Variants in KHDRBS2 observed in about 807,000 individuals in gnomAD.
KHDRBS2 encodes the protein KH RNA binding domain containing, signal transduction associated 2, also known as KH domain-containing, RNA-binding, signal transduction-associated protein 2.
In KHDRBS2, 26 loss-of-function variants were observed where a neutral mutation model predicts 44.3. The observed-to-expected ratio is 0.59, with a 90% confidence interval of 0.43 to 0.81. The LOEUF is 0.81. Ranked by LOEUF, KHDRBS2 falls within the 40% of genes least tolerant of loss-of-function variation. The pLI is 0.00. For synonymous variants in KHDRBS2, 194 were observed against 151.1 expected (o/e 1.28, Z -2.08); for missense variants, 476 against 433.1 (o/e 1.10, Z -0.88).
chr6:61,762,675 ACCAAATAACTTT>A (rs1381272701), intron 6 of KHDRBS2, among the ~76,000 whole-genome samples: 1 of 152,192 alleles, frequency 6.6e-6, no homozygotes, highest in African/African-American at 2.4e-5. Flanking sequence ...AGAATTGTCA[ACCAAATAACTTT>A]TCCTTTATAA....
At chr6:62,019,408 T>C (rs1781838149) in intron 3 of KHDRBS2, among the ~76,000 whole-genome samples, 1 of 152,130 alleles carries the variant, frequency 6.6e-6, no homozygotes, top group Non-Finnish European at 1.5e-5. Context: ...TTTTTCTATG[T>C]GTTTTATAAT....
At chr6:61,851,855 A>G (rs1795470006) in intron 6 of KHDRBS2, among the ~76,000 whole-genome samples, 1 of 152,250 alleles carries the variant, frequency 6.6e-6, no homozygotes, top group Non-Finnish European at 1.5e-5. Flanking sequence ...GGTGAAGGAT[A>G]TCAATATGCA....
intron 6 of KHDRBS2, among the ~76,000 whole-genome samples, chr6:61,843,064 T>A (rs1258302987): frequency 6.6e-6 from 1 of 151,588 alleles, no homozygotes; most frequent in African/African-American, 2.4e-5. Flanking sequence ...TTATTCTGAG[T>A]GAAAGAAGCC....
chr6:61,552,586 G>A, the KHDRBS2 span, among the ~76,000 whole-genome samples: 1 of 152,098 alleles, frequency 6.6e-6, no homozygotes, highest in African/African-American at 2.4e-5. Flanking sequence ...GATTTGCAAG[G>A]AGAATGCTTT....
At chr6:61,582,516 G>T in the KHDRBS2 span, among the ~76,000 whole-genome samples, 1 of 151,678 alleles carries the variant, frequency 6.6e-6, no homozygotes, top group Non-Finnish European at 1.5e-5. Context: ...AGAAGAGGTG[G>T]TTTTAATAGA....
At chr6:62,109,691 T>C (rs1002365242) in intron 2 of KHDRBS2, among the ~76,000 whole-genome samples, 1 of 151,506 alleles carries the variant, frequency 6.6e-6, no homozygotes, top group African/African-American at 2.4e-5. Context: ...ATGTTAAGAA[T>C]AGTCTTTTTA....
intron 6 of KHDRBS2, among the ~76,000 whole-genome samples, chr6:61,826,220 T>C (rs1790833209): frequency 6.6e-6 from 1 of 152,112 alleles, no homozygotes; most frequent in African/African-American, 2.4e-5. Flanking sequence ...TCTCATCCAC[T>C]CTTCTCTGTA....
chr6:61,647,018 C>T, the KHDRBS2 span, among the ~76,000 whole-genome samples: 1 of 151,946 alleles, frequency 6.6e-6, no homozygotes, highest in Non-Finnish European at 1.5e-5. Context: ...GGGGTTTCAC[C>T]ATATTGGCCA....
chr6:61,955,665 T>C lies in KHDRBS2; in HGVS notation c.483+22401A>G, dbSNP rs560379675. On this transcript the variant is annotated intron_variant, in intron 4 of 8. Transcript: ENST00000281156. ...ACGTATGTATGTATGCATATATGTGTATATGTACACATATGTATGTATACA... is the reference window on the plus strand; with the variant it reads ...ACGTATGTATGTATGCATATATGTGCATATGTACACATATGTATGTATACA... Among the ~76,000 whole-genome samples the C allele has an allele frequency of 3.6e-4, 53 of 149,240 alleles. 3 individuals carry two copies. In the South Asian group the frequency reaches 6.6e-3, roughly 19 times the overall value.
intron 2 of KHDRBS2, among the ~76,000 whole-genome samples, chr6:62,114,683 C>T (rs1805796265): frequency 6.6e-6 from 1 of 151,638 alleles, no homozygotes; most frequent in South Asian, 2.1e-4. Flanking sequence ...AAGTACTTTA[C>T]ATATACTAAA....
chr6:62,208,669 A>C (rs1828469426), intron 1 of KHDRBS2, among the ~76,000 whole-genome samples: 1 of 152,136 alleles, frequency 6.6e-6, no homozygotes, highest in Non-Finnish European at 1.5e-5. Context: ...TGTTTTCCAT[A>C]ATGGCTGTGC....
intron 2 of KHDRBS2, among the ~76,000 whole-genome samples, chr6:62,048,918 C>T (rs1239526082): frequency 6.6e-6 from 1 of 151,860 alleles, no homozygotes; most frequent in Non-Finnish European, 1.5e-5. Flanking sequence ...AAATTGCTTT[C>T]TATATCAGAG....
chr6:61,583,596 C>T, the KHDRBS2 span, among the ~76,000 whole-genome samples: 2 of 151,756 alleles, frequency 1.3e-5, no homozygotes. Flanking sequence ...CTTTGCCACA[C>T]TTACTTGACT....
At chr6:62,054,225 C>A (rs1789749419) in intron 2 of KHDRBS2, among the ~76,000 whole-genome samples, 1 of 152,044 alleles carries the variant, frequency 6.6e-6, no homozygotes, top group Non-Finnish European at 1.5e-5. Flanking sequence ...CAAAACCATT[C>A]AGAAGCAAAA....
the KHDRBS2 span, among the ~76,000 whole-genome samples, chr6:61,585,768 T>C: frequency 6.6e-6 from 1 of 152,142 alleles, no homozygotes; most frequent in African/African-American, 2.4e-5. Flanking sequence ...TTACCTCACA[T>C]AGTTCATTGC....
chr6:61,959,714 T>TG (rs1318151181), intron 4 of KHDRBS2, among the ~76,000 whole-genome samples: 1 of 152,160 alleles, frequency 6.6e-6, no homozygotes, highest in African/African-American at 2.4e-5. Context: ...GGTTAAGTTA[T>TG]GGGTTAGGTA....
chr6:61,878,029 T>C (rs1213126759), intron 6 of KHDRBS2, among the ~76,000 whole-genome samples: 1 of 151,974 alleles, frequency 6.6e-6, no homozygotes, highest in Non-Finnish European at 1.5e-5. Flanking sequence ...TCTTATGTAA[T>C]GAGAAAAATT....
intron 5 of KHDRBS2, among the ~76,000 whole-genome samples, chr6:61,899,013 A>G (rs1803449458): frequency 6.6e-6 from 1 of 151,916 alleles, no homozygotes; most frequent in Admixed American, 6.6e-5. Flanking sequence ...ACTAACATAA[A>G]ATGTTCATAA....
chr6:61,762,991 T>G (rs1273697150), intron 6 of KHDRBS2, among the ~76,000 whole-genome samples: 3 of 152,190 alleles, frequency 2.0e-5, no homozygotes, highest in Admixed American at 6.5e-5. Flanking sequence ...GGCTTTTACT[T>G]TCACTTCCTC....
Sources: allele counts gnomAD v4.1 joint callset (sites outside exome capture counted in the v4.1 genomes callset), GRCh38; gene constraint gnomAD v4.1.1; transcripts MANE v1.5; gene names NCBI Gene and HGNC (gene_info 2026-07-23, HGNC 2026-07-21).